SLC38A10: variants seen among roughly 807,000 people sequenced by gnomAD.
The protein encoded by SLC38A10 is Sodium-coupled neutral amino acid transporter 10.
Under a neutral mutation model 81.0 loss-of-function variants are expected in SLC38A10, and 53 were observed. That is an observed-to-expected ratio of 0.65 (90% CI 0.53 to 0.82). The LOEUF is 0.82. SLC38A10 is among the 40% of genes least tolerant of loss of function. The probability of loss-of-function intolerance (pLI) is 0.00; values close to 1 mark genes in which losing one functional copy is unlikely to be tolerated. For missense variants in SLC38A10, 1,471 were observed against 1,545.0 expected, an observed-to-expected ratio of 0.95 and a Z score of 0.80; for synonymous variants, 665 against 655.3, an observed-to-expected ratio of 1.01 and a Z score of -0.23.
chr17:81,246,678 A>C lies in SLC38A10; in HGVS notation c.2243-5T>G. 1 of 1,502,962 alleles carries C rather than the reference A, an allele frequency of 6.7e-7. No individual in the cohort carries two copies. The highest frequency in any genetic ancestry group is 8.9e-7 in the Non-Finnish European group (1 of 1,126,934). 93.1% of individuals were successfully genotyped at this position (1,502,962 alleles called of 1,614,324 possible). ...CGGGCTCTTGATGCACCTCCACTGC[A>C]AATGAAGTCGGTCATCAATTTAGCC... is the stretch of plus-strand genomic sequence containing the variant. On this transcript the variant is annotated splice_polypyrimidine_tract_variant and splice_region_variant and intron_variant, in intron 15 of 15. Transcript: ENST00000374759.
chr17:81,255,739 T>A (rs973893903), intron 11 of SLC38A10, among the ~76,000 whole-genome samples: 1 of 152,174 alleles, frequency 6.6e-6, no homozygotes, highest in Non-Finnish European at 1.5e-5. Context: ...CTCACTCCGG[T>A]AATCCCAGCA....
chr17:81,246,420 C>T lies in SLC38A10; in HGVS notation c.2496G>A (p.Lys832=), dbSNP rs758532691. The change falls in exon 16 of 16, where the codon AAG becomes AAA. Residue 832 remains lysine, a synonymous_variant. Coordinates refer to ENST00000374759, the MANE Select transcript of SLC38A10 (RefSeq NM_001037984.3). ...PDTEPRAAQA[K]LRDGQKDAAP... ...CGGCATCCTTCTGGCCATCTCTCAG[C>T]TTGGCCTGGGCTGCCCGAGGCTCTG... is the stretch of plus-strand genomic sequence containing the variant. 5.0e-6 allele frequency: 8 copies of T among 1,600,928 alleles called. No homozygotes were observed. In the African/African-American group the frequency reaches 9.4e-5, roughly 19 times the overall value.
At position 81,253,230 on chromosome 17, in the gene SLC38A10, C is replaced by T. The variant is rs143433253; in HGVS notation, c.1299G>A (p.Pro433=). 1.5e-4 allele frequency: 242 copies of T among 1,613,658 alleles called. No individual in the cohort carries two copies. In the African/African-American group the frequency reaches 2.4e-3, roughly 16 times the overall value. The part of the protein sequence containing the change: ...VEAARLSAQD[P]VVAVAEDGRE... ...GGCCATCCTCAGCCACGGCCACAAC[C>T]GGATCCTGGGCTGGGAGCAGGGCAC... The change falls in exon 12 of 16, where the codon CCG becomes CCA. Residue 433 remains proline, a synonymous_variant. Coordinates refer to ENST00000374759, the MANE Select transcript of SLC38A10 (RefSeq NM_001037984.3). This position sits in a 1 kb window ranked among gnomAD's most constrained non-coding sequence, Gnocchi z 4.1.
chr17:81,281,362 C>A lies in SLC38A10; in HGVS notation c.502-629G>T, dbSNP rs1035558909. Among the ~76,000 whole-genome samples the A allele has an allele frequency of 2.0e-5, 3 of 152,078 alleles. No homozygotes were observed. The highest frequency in any genetic ancestry group is 7.2e-5 in the African/African-American group (3 of 41,406). On this transcript the variant is annotated intron_variant, in intron 5 of 15. Coordinates refer to ENST00000374759, the MANE Select transcript of SLC38A10 (RefSeq NM_001037984.3). This position sits in a 1 kb window ranked among gnomAD's most constrained non-coding sequence, Gnocchi z 5.3. The stretch of plus-strand genomic sequence containing the variant: ...TCCCAGGGGCTCGGGTCCTGGGGCT[C>A]CTATGGGCAGGGGCCTGGCAGAGAA...
chr17:81,293,533 G>A (rs1198347742), intron 1 of SLC38A10, among the ~76,000 whole-genome samples: 2 of 152,042 alleles, frequency 1.3e-5, no homozygotes, highest in African/African-American at 4.8e-5. Flanking sequence ...GTGCAGTGGT[G>A]CAATCATAGC....
At chr17:81,284,809 G>A (rs1456239286) in intron 3 of SLC38A10, 41 bp downstream of exon 3, 11 of 1,479,120 alleles carry the variant, frequency 7.4e-6, no homozygotes, top group South Asian at 1.3e-5. Context: ...GTGTCTGGGT[G>A]CGGGGGTGGG....
chr17:81,250,013 A>G (rs973710505), intron 14 of SLC38A10: 2 of 1,276,960 alleles, frequency 1.6e-6, no homozygotes. Context: ...GGCTGCGCTC[A>G]GGTCTGTGGC....
intron 6 of SLC38A10, among the ~76,000 whole-genome samples, chr17:81,279,360 G>A (rs1020665607): frequency 6.6e-5 from 10 of 152,232 alleles, no homozygotes; most frequent in Non-Finnish European, 1.3e-4. Flanking sequence ...CAGGGGGCGC[G>A]GCCCGCCACC....
chr17:81,272,864 G>A (rs1035157448), intron 8 of SLC38A10, among the ~76,000 whole-genome samples: 3 of 152,206 alleles, frequency 2.0e-5, no homozygotes, highest in Non-Finnish European at 4.4e-5. Context: ...GGCACAGACC[G>A]TACATTTTAC....
intron 14 of SLC38A10, among the ~76,000 whole-genome samples, chr17:81,248,653 G>A (rs757547869): frequency 7.9e-5 from 12 of 152,280 alleles, no homozygotes; most frequent in Non-Finnish European, 1.3e-4. Context: ...TGAGTGGTGA[G>A]AGCAAATATC....
Position 81,276,954 on chromosome 17 carries a change from G to A in SLC38A10, c.729+77C>T. ...AGCACACAGGGCCAGGGCCATGCCT[G>A]TGGCAGTCCCACGGGGCACCACGGC... is the stretch of plus-strand genomic sequence containing the variant. On this transcript the variant is annotated intron_variant, in intron 7 of 15. Transcript: ENST00000374759. The surrounding 1 kb of genome is among the most constrained non-coding windows in gnomAD (Gnocchi z 4.7). The A allele has an allele frequency of 7.1e-7, 1 of 1,413,612 alleles. No individual in the cohort carries two copies. Among genetic ancestry groups the A allele is most frequent in the Non-Finnish European group, 1.0e-6 (1 of 1,000,664 alleles). 87.6% of individuals were successfully genotyped at this position (1,413,612 alleles called of 1,614,324 possible).
intron 5 of SLC38A10, 23 bp from the exon 6 acceptor site, chr17:81,280,756 G>A (rs545787591): frequency 6.2e-7 from 1 of 1,603,114 alleles, no homozygotes; most frequent in South Asian, 1.1e-5. Flanking sequence ...AGGGGAGAGA[G>A]CACGGGGCAG....
intron 2 of SLC38A10, among the ~76,000 whole-genome samples, chr17:81,287,046 C>T (rs1434347101): frequency 6.6e-6 from 1 of 152,136 alleles, no homozygotes; most frequent in African/African-American, 2.4e-5. Flanking sequence ...AAGCAAGACA[C>T]GCAGGGCAAG....
chr17:81,274,616 C>T (rs113208689), intron 8 of SLC38A10, among the ~76,000 whole-genome samples: 5 of 152,328 alleles, frequency 3.3e-5, no homozygotes, highest in African/African-American at 1.2e-4. Flanking sequence ...GGAACCTGGA[C>T]GGGGCAGGGC....
At chr17:81,272,256 T>A (rs2063123086) in intron 9 of SLC38A10, among the ~76,000 whole-genome samples, 2 of 152,080 alleles carry the variant, frequency 1.3e-5, no homozygotes, top group South Asian at 4.1e-4. Flanking sequence ...GGTCTTGAAC[T>A]CCCAACCTCA....
At chr17:81,278,525 G>A (rs553042693) in intron 6 of SLC38A10, among the ~76,000 whole-genome samples, 22 of 152,254 alleles carry the variant, frequency 1.4e-4, no homozygotes, top group African/African-American at 4.1e-4. Flanking sequence ...AGGGGACCCC[G>A]CAGGACATGA....
At position 81,260,389 on chromosome 17, in the gene SLC38A10, C is replaced by T; in HGVS notation, c.1137G>A (p.Val379=). ...CCAGGACGCCCAGGCCGACCCACAG[C>T]ACCACCTGAGGAGACAAAGACCCCA... ...IHKNALSSQV[V]LWVGLGVLVV... Residue 379 remains valine (V), a synonymous_variant, in exon 11 of 16, where the codon GTG becomes GTA. Transcript: ENST00000374759. 1 of 1,611,036 alleles carries T rather than the reference C, an allele frequency of 6.2e-7. No homozygotes were observed. Among genetic ancestry groups the T allele is most frequent in the Non-Finnish European group, 8.5e-7 (1 of 1,179,140 alleles).
intron 1 of SLC38A10, among the ~76,000 whole-genome samples, chr17:81,291,847 C>T (rs1345703244): frequency 2.0e-5 from 3 of 152,222 alleles, no homozygotes; most frequent in Non-Finnish European, 4.4e-5. Context: ...GACACTCGCA[C>T]TAGACACCTG....
rs752704471 is a variant in SLC38A10, at chr17:81,246,611, C to T, written c.2305G>A (p.Ala769Thr). ...PRGQEAPEGK[A>T]RETVENLPPL... is the part of the protein sequence containing the mutation. ...GGCAGATTCTCCACCGTCTCCCTGGCCTTGCCTTCAGGGGCCTCCTGGCCT... is the reference window on the plus strand; with the variant it reads ...GGCAGATTCTCCACCGTCTCCCTGGTCTTGCCTTCAGGGGCCTCCTGGCCT... The change falls in exon 16 of 16, where the codon GCC becomes ACC. Residue 769 changes from alanine to threonine, a missense_variant. Physicochemically the swap from Ala to Thr is moderately conservative, Grantham distance 58 (BLOSUM62 0). Transcript: ENST00000374759. 7.3e-6 allele frequency: 11 copies of T among 1,516,370 alleles called. No homozygotes were observed. The highest frequency in any genetic ancestry group is 8.8e-6 in the Non-Finnish European group (10 of 1,135,070). 93.9% of individuals were successfully genotyped at this position (1,516,370 alleles called of 1,614,324 possible).
Sources: gnomAD v4.1 joint callset for allele counts (sites outside exome capture counted in the v4.1 genomes callset) on GRCh38, gnomAD v4.1.1 for gene constraint, Gnocchi (gnomAD v3.1) non-coding constraint, MANE v1.5 for transcripts, NCBI Gene and HGNC (gene_info 2026-07-23, HGNC 2026-07-21) for gene names.